Variants in TNRC6C observed in about 807,000 individuals in gnomAD.
TNRC6C encodes trinucleotide repeat-containing gene 6C protein.
In TNRC6C, 20 loss-of-function variants were observed where a neutral mutation model predicts 153.7. That is an observed-to-expected ratio of 0.13 (90% CI 0.09 to 0.19). The LOEUF (loss-of-function observed/expected upper bound fraction) is 0.19, where lower values mean the gene tolerates loss of function less well. TNRC6C is among the 10% of genes least tolerant of loss of function. TNRC6C has a pLI of 1.00. For missense variants in TNRC6C, 1,987 were observed against 2,172.0 expected (o/e 0.91, Z 1.69); for synonymous variants, 811 against 841.4 (o/e 0.96, Z 0.63).
intron 12 of TNRC6C, 66 bp from the exon 15 acceptor site, chr17:78,086,787 G>C: frequency 6.3e-7 from 1 of 1,587,306 alleles, no homozygotes; most frequent in South Asian, 1.2e-5. Flanking sequence ...GAATGCATTT[G>C]GTCCCTAGAC....
intron 1 of TNRC6C, among the ~76,000 whole-genome samples, chr17:77,992,182 G>C (rs1432809321): frequency 6.6e-6 from 1 of 152,162 alleles, no homozygotes; most frequent in Non-Finnish European, 1.5e-5. Flanking sequence ...AGGATTGTTT[G>C]ATTTTCTAAG....
chr17:77,963,341 C>T (rs1281788939), intron 1 of TNRC6C, among the ~76,000 whole-genome samples: 1 of 152,048 alleles, frequency 6.6e-6, no homozygotes, highest in Non-Finnish European at 1.5e-5. Flanking sequence ...TTGTACAGAT[C>T]GTGCATTTGA....
At chr17:78,097,946 G>A in intron 16 of TNRC6C, 85 bp downstream of exon 19, 1 of 1,124,272 alleles carries the variant, frequency 8.9e-7, no homozygotes. Context: ...TTTTCCTATT[G>A]GCTCTTTACT....
chr17:77,978,224 G>A (rs1044875233), intron 1 of TNRC6C, among the ~76,000 whole-genome samples: 1 of 152,094 alleles, frequency 6.6e-6, no homozygotes, highest in African/African-American at 2.4e-5. Flanking sequence ...GAGAATTTGA[G>A]ACAAATGCAA....
At chr17:77,967,742 C>T (rs1174558510) in intron 1 of TNRC6C, among the ~76,000 whole-genome samples, 2 of 152,170 alleles carry the variant, frequency 1.3e-5, no homozygotes, top group African/African-American at 4.8e-5. Flanking sequence ...TAATTCCTGG[C>T]TTGTCTTTCA....
At chr17:77,963,127 T>A (rs1407418507) in intron 1 of TNRC6C, among the ~76,000 whole-genome samples, 2 of 152,246 alleles carry the variant, frequency 1.3e-5, no homozygotes, top group Non-Finnish European at 2.9e-5. Flanking sequence ...TAGACTTTAA[T>A]GCAGTGGAGT....
upstream of TNRC6C, among the ~76,000 whole-genome samples, chr17:77,999,601 C>T (rs1295602541): frequency 6.6e-6 from 1 of 152,172 alleles, no homozygotes; most frequent in Non-Finnish European, 1.5e-5. Context: ...TGCTGCGTAA[C>T]AAATACCACT....
At chr17:78,020,998 C>G (rs902137928) in intron 1 of TNRC6C, among the ~76,000 whole-genome samples, 2 of 152,180 alleles carry the variant, frequency 1.3e-5, no homozygotes, top group African/African-American at 2.4e-5. Context: ...AGTGAGAAAC[C>G]TAAGTGCTCC....
At chr17:78,102,949 C>A in intron 18 of TNRC6C, 1 of 235,652 alleles carries the variant, frequency 4.2e-6, no homozygotes, top group Non-Finnish European at 8.4e-6. Context: ...CCAGCCTGGG[C>A]AACATAGCAA....
At chr17:78,007,784 G>C (rs2071548686) in intron 1 of TNRC6C, among the ~76,000 whole-genome samples, 3 of 152,188 alleles carry the variant, frequency 2.0e-5, no homozygotes, top group Admixed American at 1.3e-4. Context: ...CAACATTGTA[G>C]AAGTTTGAAT....
At chr17:78,055,160 AAC>A (rs1257817888) in intron 3 of TNRC6C, among the ~76,000 whole-genome samples, 1 of 152,258 alleles carries the variant, frequency 6.6e-6, no homozygotes, top group East Asian at 1.9e-4. Context: ...CTTAGCTTAA[AAC>A]ACACATTGTA....
chr17:78,096,997 C>T (rs2073498997), intron 16 of TNRC6C, among the ~76,000 whole-genome samples: 1 of 152,202 alleles, frequency 6.6e-6, no homozygotes, highest in Non-Finnish European at 1.5e-5. Flanking sequence ...GATAGAATAA[C>T]TCAAGTCCAT....
At chr17:78,026,060 A>G (rs1367269715) in intron 1 of TNRC6C, among the ~76,000 whole-genome samples, 3 of 151,846 alleles carry the variant, frequency 2.0e-5, no homozygotes. Flanking sequence ...GTGGAAGTGA[A>G]TCCAAGTTTT....
chr17:78,096,558 C>T (rs1255537549), intron 16 of TNRC6C, among the ~76,000 whole-genome samples: 3 of 152,236 alleles, frequency 2.0e-5, no homozygotes, highest in Non-Finnish European at 4.4e-5. Flanking sequence ...CTGCACGTGT[C>T]CAGGAGGTGC....
chr17:78,018,907 T>G (rs2071780834), intron 1 of TNRC6C, among the ~76,000 whole-genome samples: 1 of 151,372 alleles, frequency 6.6e-6, no homozygotes, highest in Non-Finnish European at 1.5e-5. Context: ...AAGAGGGGGG[T>G]TTTGGCAGTC....
chr17:78,093,367 G>C (rs911807222), intron 15 of TNRC6C: 2 of 655,548 alleles, frequency 3.1e-6, no homozygotes, highest in African/African-American at 3.6e-5. Flanking sequence ...CAGGGAGGAA[G>C]CACACTGCAC....
chr17:77,999,575 C>G (rs553138794), upstream of TNRC6C, among the ~76,000 whole-genome samples: 2 of 152,294 alleles, frequency 1.3e-5, no homozygotes, highest in Admixed American at 1.3e-4. Flanking sequence ...CCATCACTAC[C>G]TGGTTTAGTT....
chr17:78,071,971 A>G (rs2073005828), intron 6 of TNRC6C, among the ~76,000 whole-genome samples: 1 of 152,252 alleles, frequency 6.6e-6, no homozygotes, highest in Admixed American at 6.5e-5. Flanking sequence ...ATGGCAGTTC[A>G]GATGGCAAGG....
upstream of TNRC6C, among the ~76,000 whole-genome samples, chr17:77,957,986 C>T (rs1337154719): frequency 6.6e-6 from 1 of 152,198 alleles, no homozygotes; most frequent in Non-Finnish European, 1.5e-5. Context: ...CGCAGCGAGG[C>T]TTGTTTTGCT....
Sources: gnomAD v4.1 joint callset for allele counts (sites outside exome capture counted in the v4.1 genomes callset) on GRCh38, gnomAD v4.1.1 for gene constraint, MANE v1.5 for transcripts, NCBI Gene and HGNC (gene_info 2026-07-23, HGNC 2026-07-21) for gene names.